EDA: variants seen among roughly 807,000 people sequenced by gnomAD.
EDA encodes the protein ectodysplasin-A.
In EDA, 2 loss-of-function variants were observed where a neutral mutation model predicts 23.6. The ratio of observed to expected loss-of-function variants is 0.08; its 90% CI spans 0.03 to 0.27. The LOEUF (loss-of-function observed/expected upper bound fraction) is 0.27. EDA is among the 10% of genes least tolerant of loss of function. The pLI is 1.00. For synonymous variants in EDA, 131 were observed against 132.0 expected, an observed-to-expected ratio of 0.99 and a Z score of 0.05; for missense variants, 229 against 324.2, an observed-to-expected ratio of 0.71 and a Z score of 2.26.
At chrX:69,670,183 GTTTTTTTTT>G (rs544601085) in intron 1 of EDA, 7 of 236,458 alleles carry the variant, frequency 3.0e-5, no homozygotes, top group African/African-American at 8.6e-5. Flanking sequence ...TTGGCTGACT[GTTTTTTTTT>G]TTTTTTTTTT....
chrX:70,013,399 C>G (rs999807343), intron 2 of EDA, among the ~76,000 whole-genome samples: 4 of 111,181 alleles, frequency 3.6e-5, no homozygotes, highest in Non-Finnish European at 7.6e-5. Flanking sequence ...GTAGCTGCCC[C>G]AACCCTGACT....
intron 1 of EDA, among the ~76,000 whole-genome samples, chrX:69,942,757 C>T (rs2018779988): frequency 9.0e-6 from 1 of 111,430 alleles, no homozygotes; most frequent in African/African-American, 3.3e-5. Context: ...GGGATGTTCT[C>T]TGTTATCCCT....
intron 6 of EDA, 116 bp downstream of exon 6, chrX:70,030,636 C>T (rs1454490138): frequency 2.9e-6 from 2 of 682,838 alleles, no homozygotes; most frequent in Non-Finnish European, 4.6e-6. Context: ...CGTTGGCATA[C>T]GAAGTCATTC....
chrX:69,888,698 C>T (rs1315023281), intron 1 of EDA, among the ~76,000 whole-genome samples: 1 of 106,199 alleles, frequency 9.4e-6, no homozygotes, highest in East Asian at 3.0e-4. Flanking sequence ...TAAAAAGAGA[C>T]AAAGCAGGTA....
At chrX:69,714,573 A>T (rs1432518710) in intron 1 of EDA, among the ~76,000 whole-genome samples, 1 of 112,031 alleles carries the variant, frequency 8.9e-6, no homozygotes, top group African/African-American at 3.2e-5. Context: ...GTTAACTTTT[A>T]TATAAATTGT....
At chrX:69,911,978 G>A (rs922710070) in intron 1 of EDA, among the ~76,000 whole-genome samples, 3 of 112,514 alleles carry the variant, frequency 2.7e-5, no homozygotes, top group Non-Finnish European at 5.6e-5. Context: ...GTAACGTGAT[G>A]CTGTTTGATA....
intron 1 of EDA, among the ~76,000 whole-genome samples, chrX:69,953,068 G>A (rs889572523): frequency 2.7e-5 from 3 of 111,949 alleles, no homozygotes; most frequent in Admixed American, 1.9e-4. Context: ...CAGAAATCAA[G>A]CAGTAAACAA....
In EDA at chrX:70,027,651, C is replaced by A. The variant is rs746712324; in HGVS notation, c.527-206C>A. On this transcript the variant is annotated intron_variant, in intron 3 of 7. Transcript: ENST00000374552. ...CAACCTGGCCGACATGGTGAAACCC[C>A]GTCTCTACTAAAAATACAAAAATTA... Among the ~76,000 whole-genome samples the A allele has an allele frequency of 2.7e-5, 3 of 110,391 alleles. No individual in the cohort carries two copies. In the East Asian group the frequency reaches 8.6e-4, roughly 32 times the overall value.
chrX:69,848,894 C>T (rs898431499), intron 1 of EDA, among the ~76,000 whole-genome samples: 2 of 111,046 alleles, frequency 1.8e-5, no homozygotes, highest in African/African-American at 6.5e-5. Flanking sequence ...ATAGTGATTT[C>T]ACCTTTCTTT....
chrX:69,748,395 G>A (rs1325685346), intron 1 of EDA, among the ~76,000 whole-genome samples: 1 of 111,324 alleles, frequency 9.0e-6, no homozygotes. Flanking sequence ...TTCTGTTTCC[G>A]ACTACTCATG....
At chrX:69,914,887 T>A (rs1447046432) in intron 1 of EDA, among the ~76,000 whole-genome samples, 1 of 111,995 alleles carries the variant, frequency 8.9e-6, no homozygotes, top group Non-Finnish European at 1.9e-5. Flanking sequence ...TTTTCCAACT[T>A]CCTTCTAATC....
At chrX:69,967,283 C>T (rs1444272407) in intron 2 of EDA, among the ~76,000 whole-genome samples, 2 of 111,063 alleles carry the variant, frequency 1.8e-5, no homozygotes, top group Admixed American at 1.9e-4. Context: ...GCAATAAAGA[C>T]AGAAGTAGAT....
At chrX:70,033,324 C>T (rs756264967) in intron 6 of EDA, 74 bp from the exon 7 acceptor site, 3 of 1,192,713 alleles carry the variant, frequency 2.5e-6, no homozygotes, top group East Asian at 5.9e-5. Flanking sequence ...GGGTTGTGAA[C>T]TCCTTGGTAT....
chrX:70,025,123 A>C (rs2020090714), intron 3 of EDA, among the ~76,000 whole-genome samples: 1 of 111,700 alleles, frequency 9.0e-6, no homozygotes, highest in African/African-American at 3.3e-5. Flanking sequence ...ACTGGAACAA[A>C]GCAGGAGTTT....
At chrX:69,728,201 A>C (rs1255909258) in intron 1 of EDA, among the ~76,000 whole-genome samples, 2 of 105,730 alleles carry the variant, frequency 1.9e-5, no homozygotes, top group Admixed American at 2.1e-4. Context: ...CTGTCATCAC[A>C]CCACTGCACT....
chrX:69,980,026 G>A (rs1193233131), intron 2 of EDA, among the ~76,000 whole-genome samples: 1 of 110,914 alleles, frequency 9.0e-6, no homozygotes, highest in African/African-American at 3.3e-5. Flanking sequence ...ACTTAGAAAA[G>A]GCCAGGGTAT....
intron 1 of EDA, among the ~76,000 whole-genome samples, chrX:69,827,395 G>A (rs781162201): frequency 2.3e-4 from 25 of 111,071 alleles, no homozygotes; most frequent in Admixed American, 1.4e-3. Context: ...GGCTTTGCTC[G>A]TTTCTTTTTA....
At chrX:69,691,664 A>G (rs991200752) in intron 1 of EDA, among the ~76,000 whole-genome samples, 8 of 111,473 alleles carry the variant, frequency 7.2e-5, no homozygotes, top group Non-Finnish European at 1.3e-4. Flanking sequence ...TTTATTTCCT[A>G]TTAAATATCC....
intron 1 of EDA, among the ~76,000 whole-genome samples, chrX:69,747,218 T>A (rs2013651593): frequency 8.9e-6 from 1 of 112,147 alleles, no homozygotes; most frequent in Non-Finnish European, 1.9e-5. Flanking sequence ...CATGATAGGA[T>A]GGTTAGAACT....
Sources: gnomAD v4.1 joint callset for allele counts (sites outside exome capture counted in the v4.1 genomes callset) on GRCh38, gnomAD v4.1.1 for gene constraint, MANE v1.5 for transcripts, NCBI Gene and HGNC (gene_info 2026-07-23, HGNC 2026-07-21) for gene names.